ERBB4: variants seen among roughly 807,000 people sequenced by gnomAD.
The protein encoded by ERBB4 is receptor tyrosine-protein kinase erbB-4.
Under a neutral mutation model 158.0 loss-of-function variants are expected in ERBB4, and 42 were observed. The observed-to-expected ratio is 0.27, with a 90% confidence interval of 0.21 to 0.34. ERBB4 has a LOEUF of 0.34. Ranked by LOEUF, ERBB4 falls within the 10% of genes least tolerant of loss-of-function variation. ERBB4 has a pLI of 1.00. For synonymous variants in ERBB4, 583 were observed against 558.7 expected (o/e 1.04, Z -0.61); for missense variants, 1,333 against 1,624.1 (o/e 0.82, Z 3.08).
chr2:211,982,209 C>A (rs948142803), intron 2 of ERBB4, among the ~76,000 whole-genome samples: 1 of 151,954 alleles, frequency 6.6e-6, no homozygotes, highest in Non-Finnish European at 1.5e-5. Context: ...CCCTGTCCTC[C>A]TATAATTTTT....
intron 2 of ERBB4, among the ~76,000 whole-genome samples, chr2:211,973,438 T>C (rs967599431): frequency 6.6e-6 from 1 of 152,116 alleles, no homozygotes; most frequent in African/African-American, 2.4e-5. Flanking sequence ...CCTGACTTCA[T>C]GATCCACTTG....
intron 2 of ERBB4, among the ~76,000 whole-genome samples, chr2:212,070,451 G>C (rs1381912278): frequency 6.6e-6 from 1 of 151,998 alleles, no homozygotes; most frequent in Non-Finnish European, 1.5e-5. Context: ...CACAGCTTGT[G>C]ATAATTAAGA....
intron 3 of ERBB4, among the ~76,000 whole-genome samples, chr2:211,820,680 A>C (rs527517337): frequency 2.0e-5 from 3 of 151,862 alleles, no homozygotes; most frequent in South Asian, 4.2e-4. Flanking sequence ...CACACACACA[A>C]AATCACACCA....
At chr2:212,340,000 C>A (rs2088627055) in intron 1 of ERBB4, among the ~76,000 whole-genome samples, 1 of 151,830 alleles carries the variant, frequency 6.6e-6, no homozygotes, top group Non-Finnish European at 1.5e-5. Flanking sequence ...CTTTTACTCT[C>A]TTCAAAATGC....
chr2:212,151,944 G>A (rs1280014842), intron 1 of ERBB4, among the ~76,000 whole-genome samples: 1 of 152,170 alleles, frequency 6.6e-6, no homozygotes, highest in African/African-American at 2.4e-5. Flanking sequence ...AGTGTTACTA[G>A]TTTTGCAAGT....
chr2:212,010,749 G>T (rs2076366581), intron 2 of ERBB4, among the ~76,000 whole-genome samples: 1 of 152,098 alleles, frequency 6.6e-6, no homozygotes, highest in African/African-American at 2.4e-5. Context: ...AAGCCTGAGG[G>T]TACTGCAAGA....
intron 3 of ERBB4, among the ~76,000 whole-genome samples, chr2:211,881,190 C>A (rs1245913804): frequency 6.6e-6 from 1 of 152,038 alleles, no homozygotes; most frequent in African/African-American, 2.4e-5. Flanking sequence ...GCAATGGCTA[C>A]CAAGAAGTAG....
intron 25 of ERBB4, among the ~76,000 whole-genome samples, chr2:211,419,594 G>A (rs545608481): frequency 9.2e-5 from 14 of 152,118 alleles, no homozygotes; most frequent in South Asian, 4.1e-4. Flanking sequence ...TTCATGCTCC[G>A]TACTGGTCAG....
At chr2:212,110,393 C>T (rs1464853749) in intron 2 of ERBB4, among the ~76,000 whole-genome samples, 1 of 152,186 alleles carries the variant, frequency 6.6e-6, no homozygotes, top group African/African-American at 2.4e-5. Context: ...TCTTTATTTG[C>T]ACCACATGTT....
At chr2:211,590,095 C>A (rs2068414704) in intron 19 of ERBB4, among the ~76,000 whole-genome samples, 3 of 152,072 alleles carry the variant, frequency 2.0e-5, no homozygotes, top group African/African-American at 7.2e-5. Context: ...CTAAGGATAA[C>A]CACATTTTCC....
chr2:212,480,974 A>G (rs370708543), intron 1 of ERBB4, among the ~76,000 whole-genome samples: 2 of 152,246 alleles, frequency 1.3e-5, no homozygotes, highest in South Asian at 2.1e-4. Flanking sequence ...AAATTTTGTC[A>G]TTTTGAACAA....
At chr2:212,022,210 C>T (rs991954548) in intron 2 of ERBB4, among the ~76,000 whole-genome samples, 9 of 152,008 alleles carry the variant, frequency 5.9e-5, no homozygotes, top group African/African-American at 1.9e-4. Flanking sequence ...ATAAATCATT[C>T]GATTATAAAG....
chr2:212,129,891 G>A (rs1235998977), intron 1 of ERBB4, among the ~76,000 whole-genome samples: 1 of 151,808 alleles, frequency 6.6e-6, no homozygotes, highest in Non-Finnish European at 1.5e-5. Context: ...AAACTATCTA[G>A]AATCCACAGT....
At chr2:211,440,856 T>C (rs1306047530) in intron 20 of ERBB4, among the ~76,000 whole-genome samples, 1 of 152,194 alleles carries the variant, frequency 6.6e-6, no homozygotes, top group Non-Finnish European at 1.5e-5. Flanking sequence ...GCAACTTGAG[T>C]ATCCACATAA....
intron 13 of ERBB4, among the ~76,000 whole-genome samples, chr2:211,678,377 G>C (rs2072185665): frequency 6.7e-6 from 1 of 149,760 alleles, no homozygotes; most frequent in Non-Finnish European, 1.5e-5. Flanking sequence ...AAGTATGAGA[G>C]GAAAATAAAA....
At chr2:211,444,566 T>C (rs2064064770) in intron 20 of ERBB4, among the ~76,000 whole-genome samples, 1 of 152,076 alleles carries the variant, frequency 6.6e-6, no homozygotes, top group South Asian at 2.1e-4. Flanking sequence ...GGTATGCATA[T>C]TCCATTAGAT....
chr2:211,581,360 T>TAA (rs1481357279), intron 19 of ERBB4, among the ~76,000 whole-genome samples: 3 of 151,746 alleles, frequency 2.0e-5, no homozygotes, highest in Non-Finnish European at 4.4e-5. Flanking sequence ...GTAATAAGTG[T>TAA]AAAATCACCA....
At chr2:212,192,080 A>ATG (rs1559708382) in intron 1 of ERBB4, among the ~76,000 whole-genome samples, 29 of 100,450 alleles carry the variant, frequency 2.9e-4, no homozygotes, top group South Asian at 4.5e-4. Flanking sequence ...TGTTATATAT[A>ATG]TTATATATAT....
chr2:211,502,448 A>G (rs2065640828), intron 20 of ERBB4, among the ~76,000 whole-genome samples: 2 of 152,298 alleles, frequency 1.3e-5, no homozygotes, highest in Middle Eastern at 3.4e-3. Context: ...TAAACATTCA[A>G]TTACCTATTA....
Sources: allele counts gnomAD v4.1 joint callset (sites outside exome capture counted in the v4.1 genomes callset), GRCh38; gene constraint gnomAD v4.1.1; transcripts MANE v1.5; gene names NCBI Gene and HGNC (gene_info 2026-07-23, HGNC 2026-07-21).